The following MAP2K4 variants were observed in gnomAD, a reference collection of about 807,000 sequenced individuals.
The protein encoded by MAP2K4 is dual specificity mitogen-activated protein kinase kinase 4.
Under a neutral mutation model 48.5 loss-of-function variants are expected in MAP2K4, and 4 were observed. The observed-to-expected ratio is 0.08, with a 90% CI of 0.04 to 0.19. The LOEUF is 0.19. Among genes scored for constraint, MAP2K4 ranks in the 10% least tolerant of loss-of-function variants. The probability of loss-of-function intolerance (pLI) is 1.00; values close to 1 mark genes in which losing one functional copy is unlikely to be tolerated. For missense variants in MAP2K4, 258 were observed against 493.3 expected (o/e 0.52, Z 4.52); for synonymous variants, 166 against 173.1 (o/e 0.96, Z 0.32).
At chr17:12,140,377 T>C (rs1185687232) in intron 10 of MAP2K4, among the ~76,000 whole-genome samples, 3 of 152,186 alleles carry the variant, frequency 2.0e-5, no homozygotes, top group East Asian at 3.9e-4. Flanking sequence ...GATCTAATAA[T>C]GTGGGAATAT....
intron 8 of MAP2K4, among the ~76,000 whole-genome samples, chr17:12,128,515 G>C (rs973325208): frequency 6.6e-6 from 1 of 152,116 alleles, no homozygotes; most frequent in Non-Finnish European, 1.5e-5. Flanking sequence ...ATCTCTTCTG[G>C]TGTGGCTTAG....
intron 3 of MAP2K4, among the ~76,000 whole-genome samples, chr17:12,085,440 A>T (rs541305178): frequency 2.6e-4 from 39 of 151,758 alleles, no homozygotes; most frequent in Admixed American, 9.8e-4. Flanking sequence ...ATCAGGAAAA[A>T]CAGATCTGTT....
chr17:12,075,923 G>T (rs935124173), intron 2 of MAP2K4, among the ~76,000 whole-genome samples: 2 of 152,204 alleles, frequency 1.3e-5, no homozygotes, highest in African/African-American at 4.8e-5. Context: ...ATTGTTAATA[G>T]TGGTTTTTTT....
chr17:12,086,329 G>C (rs1286103445), intron 3 of MAP2K4, among the ~76,000 whole-genome samples: 2 of 152,152 alleles, frequency 1.3e-5, no homozygotes, highest in African/African-American at 4.8e-5. Flanking sequence ...TATGAAAAGT[G>C]TAAGTAGAGC....
Position 12,064,017 on chromosome 17 carries a change from G to GC in MAP2K4, c.218+9026_218+9027insC, listed in dbSNP as rs1970535656. Among the ~76,000 whole-genome samples, 3 of 115,904 alleles carry GC rather than the reference G, an allele frequency of 2.6e-5. No individual in the cohort carries two copies. The South Asian group carries it at 1.2e-3, about 47-fold the overall frequency. The allele number at this position is 115,904 out of a possible 152,430, so 76.0% of individuals were successfully genotyped here. ...AAAGCAGGGAGGAGGAGAGGGGAAG[G>GC]GGGGGAGAGAGAGAGAGAGAGAGAG... is the stretch of plus-strand genomic sequence containing the variant. On this transcript the variant is annotated intron_variant, in intron 2 of 10. Transcript: ENST00000353533.
At chr17:12,096,422 G>T (rs1450218685) in intron 4 of MAP2K4, among the ~76,000 whole-genome samples, 1 of 152,034 alleles carries the variant, frequency 6.6e-6, no homozygotes, top group African/African-American at 2.4e-5. Flanking sequence ...AGTGAGTTTG[G>T]GCTAGGGGTA....
chr17:12,040,954 A>G (rs1398792909), intron 1 of MAP2K4, among the ~76,000 whole-genome samples: 1 of 152,226 alleles, frequency 6.6e-6, no homozygotes, highest in Non-Finnish European at 1.5e-5. Flanking sequence ...AATGTTCTAC[A>G]ACTAATTTGC....
chr17:12,064,590 T>C (rs1970554829), intron 2 of MAP2K4, among the ~76,000 whole-genome samples: 1 of 152,228 alleles, frequency 6.6e-6, no homozygotes, highest in South Asian at 2.1e-4. Flanking sequence ...AAATATGTGG[T>C]GTAAGCAGAA....
intron 2 of MAP2K4, among the ~76,000 whole-genome samples, chr17:12,059,336 T>C (rs1970379839): frequency 6.6e-6 from 1 of 152,236 alleles, no homozygotes; most frequent in Non-Finnish European, 1.5e-5. Flanking sequence ...TGTGGCCAGC[T>C]TGTGTTAAAA....
At chr17:12,102,886 C>A (rs1226550308) in intron 4 of MAP2K4, among the ~76,000 whole-genome samples, 1 of 151,782 alleles carries the variant, frequency 6.6e-6, no homozygotes, top group Non-Finnish European at 1.5e-5. Context: ...TCTTCCCTGT[C>A]TCCCCCTCCC....
chr17:12,115,613 A>C, intron 7 of MAP2K4: 1 of 735,692 alleles, frequency 1.4e-6, no homozygotes, highest in South Asian at 1.4e-5. Context: ...ATTGTAAAAG[A>C]GGCTATAGAA....
intron 5 of MAP2K4, among the ~76,000 whole-genome samples, 176 bp downstream of exon 5, chr17:12,108,085 G>A (rs952728654): frequency 3.7e-4 from 56 of 152,204 alleles, no homozygotes; most frequent in African/African-American, 1.3e-3. Flanking sequence ...GGTCATAATG[G>A]TCTCGATAAA....
chr17:12,028,272 A>G (rs1036682171), intron 1 of MAP2K4, among the ~76,000 whole-genome samples: 6 of 152,210 alleles, frequency 3.9e-5, no homozygotes, highest in East Asian at 1.9e-4. Flanking sequence ...TTATGAGGAC[A>G]CTTGAATTTA....
At chr17:12,067,451 C>T (rs1021076634) in intron 2 of MAP2K4, among the ~76,000 whole-genome samples, 1 of 152,114 alleles carries the variant, frequency 6.6e-6, no homozygotes, top group Non-Finnish European at 1.5e-5. Context: ...TGTTTAGTGA[C>T]AGCCAAAATG....
chr17:12,081,626 T>G lies in MAP2K4; in HGVS notation c.393+96T>G. The G allele has an allele frequency of 1.6e-6, 2 of 1,263,732 alleles. No individual in the cohort carries two copies. Among genetic ancestry groups the G allele is most frequent in the Non-Finnish European group, 2.2e-6 (2 of 905,558 alleles). The allele number at this position is 1,263,732 out of a possible 1,614,324, so 78.3% of individuals were successfully genotyped here. Reference sequence around the variant, plus strand: ...TGTTGTTGTGTTCCTACTTTTGTGGTAAATGTGGGTGTTTAAAAAATTGTT... The same window carrying G: ...TGTTGTTGTGTTCCTACTTTTGTGGGAAATGTGGGTGTTTAAAAAATTGTT... On this transcript the variant is annotated intron_variant, in intron 3 of 10. Coordinates refer to ENST00000353533, the MANE Select transcript of MAP2K4 (RefSeq NM_003010.4). The surrounding 1 kb of genome is among the most constrained non-coding windows in gnomAD (Gnocchi z 4.2).
intron 1 of MAP2K4, among the ~76,000 whole-genome samples, chr17:12,035,444 A>G (rs1567626014): frequency 6.6e-6 from 1 of 152,218 alleles, no homozygotes; most frequent in Non-Finnish European, 1.5e-5. Flanking sequence ...TGAACCTGGG[A>G]GGCAGAGGTT....
intron 1 of MAP2K4, among the ~76,000 whole-genome samples, chr17:12,051,619 C>G (rs970925033): frequency 6.6e-6 from 1 of 151,994 alleles, no homozygotes; most frequent in Admixed American, 6.5e-5. Flanking sequence ...TATTTTAAAC[C>G]CTGTTGTACA....
intron 1 of MAP2K4, among the ~76,000 whole-genome samples, chr17:12,035,297 C>T (rs1344055853): frequency 1.3e-5 from 2 of 152,182 alleles, no homozygotes; most frequent in Non-Finnish European, 2.9e-5. Context: ...GCGGGCAGAT[C>T]ACCTGAGGTT....
intron 2 of MAP2K4, among the ~76,000 whole-genome samples, chr17:12,069,269 G>A (rs1257803517): frequency 6.6e-6 from 1 of 152,154 alleles, no homozygotes; most frequent in Non-Finnish European, 1.5e-5. Context: ...CCTAAACAGG[G>A]AAAGGATCTC....
Sources: gnomAD v4.1 joint callset for allele counts (sites outside exome capture counted in the v4.1 genomes callset) on GRCh38, gnomAD v4.1.1 for gene constraint, Gnocchi (gnomAD v3.1) non-coding constraint, MANE v1.5 for transcripts, NCBI Gene and HGNC (gene_info 2026-07-23, HGNC 2026-07-21) for gene names.